COG3: variants seen among roughly 807,000 people sequenced by gnomAD.
COG3 encodes conserved oligomeric Golgi complex subunit 3.
COG3 carries 32 observed loss-of-function variants against 114.1 expected under a neutral mutation model. The observed-to-expected ratio is 0.28, with a 90% confidence interval of 0.21 to 0.38. The LOEUF is 0.38. Among genes scored for constraint, COG3 ranks in the 10% least tolerant of loss-of-function variants. The pLI is 1.00. For synonymous variants in COG3, 352 were observed against 365.7 expected, an observed-to-expected ratio of 0.96 and a Z score of 0.43; for missense variants, 813 against 973.2, an observed-to-expected ratio of 0.84 and a Z score of 2.19.
chr13:45,466,724 A>G (rs1233865106), intron 1 of COG3: 1 of 152,240 alleles, frequency 6.6e-6, no homozygotes, highest in South Asian at 2.1e-4. Context: ...TACATATTCT[A>G]CAAAAAAATT....
chr13:45,513,119 G>T, intron 16 of COG3, among the ~76,000 whole-genome samples: 1 of 149,652 alleles, frequency 6.7e-6, no homozygotes. Flanking sequence ...CTTCCCACTT[G>T]GAGTGTTCAG....
Position 45,464,940 on chromosome 13 carries a change from C to T in COG3, c.-97C>T. ...ATTCCGTCCCGCCCCGCCGCCGGTG[C>T]AGTGTTGGAAGCTCCGGTTCTCCCG... On this transcript the variant is annotated 5_prime_UTR_variant, in exon 1 of 23. Transcript: ENST00000349995. 3.5e-6 allele frequency: 5 copies of T among 1,448,890 alleles called. No individual in the cohort carries two copies. The highest frequency in any genetic ancestry group is 4.5e-6 in the Non-Finnish European group (5 of 1,108,832). 89.8% of individuals were successfully genotyped at this position (1,448,890 alleles called of 1,614,324 possible).
rs1273125156 is a variant in COG3, at chr13:45,534,714, C to T, written c.2470C>T (p.Leu824=). Residue 824 remains leucine, a synonymous_variant, in exon 23 of 23, where the codon CTG becomes TTG. Coordinates refer to ENST00000349995, the MANE Select transcript of COG3 (RefSeq NM_031431.4). ...CPSMEQLSLL[L]LVSK ...TTTTGCTTTTCAGCTGAGCCTTCTGCTGTTGGTTTCTAAATAAGCAGGCCA... is the reference window on the plus strand; with the variant it reads ...TTTTGCTTTTCAGCTGAGCCTTCTGTTGTTGGTTTCTAAATAAGCAGGCCA... 1.3e-6 allele frequency: 2 copies of T among 1,566,110 alleles called. No individual in the cohort carries two copies. Among genetic ancestry groups the T allele is most frequent in the South Asian group, 1.2e-5 (1 of 84,568 alleles).
intron 1 of COG3, among the ~76,000 whole-genome samples, chr13:45,474,328 T>G (rs1034983752): frequency 3.3e-5 from 5 of 151,980 alleles, no homozygotes; most frequent in Non-Finnish European, 7.4e-5. Flanking sequence ...CGGCTAATTT[T>G]TTTTTGTGTG....
At chr13:45,481,508 A>G (rs1886246826) in intron 5 of COG3, among the ~76,000 whole-genome samples, 1 of 152,152 alleles carries the variant, frequency 6.6e-6, no homozygotes, top group African/African-American at 2.4e-5. Context: ...TGTTTCTTAA[A>G]TTGTATTCTT....
At chr13:45,474,486 G>A (rs539413071) in intron 1 of COG3, among the ~76,000 whole-genome samples, 134 of 152,164 alleles carry the variant, frequency 8.8e-4, no homozygotes, top group Non-Finnish European at 1.5e-3. Context: ...TTATAGTAAC[G>A]TTATGATACA....
chr13:45,535,773 A>AT lies in COG3; in HGVS notation c.*1043dup, dbSNP rs1873512593. 1.0e-6 allele frequency: 1 copy of AT among 987,470 alleles called. No homozygotes were observed. Among genetic ancestry groups the AT allele is most frequent in the African/African-American group, 1.7e-5 (1 of 57,318 alleles). The allele number at this position is 987,470 out of a possible 1,614,324, so 61.2% of individuals were successfully genotyped here. A position where few individuals can be genotyped will look rare whatever the true frequency, so the allele number is the denominator to read the frequency against. ...ATCCACATCTGAAAACTACCACACCATATCAGGGATCATAAATTATGCATA... is the reference window on the plus strand; with the variant it reads ...ATCCACATCTGAAAACTACCACACCATTATCAGGGATCATAAATTATGCATA... On this transcript the variant is annotated 3_prime_UTR_variant, in exon 23 of 23. Coordinates refer to ENST00000349995, the MANE Select transcript of COG3 (RefSeq NM_031431.4).
intron 16 of COG3, 56 bp downstream of exon 16, chr13:45,511,910 G>A (rs1342319838): frequency 4.4e-6 from 6 of 1,351,124 alleles, no homozygotes; most frequent in East Asian, 4.6e-5. Context: ...GTGGAATATA[G>A]CATTTACTTA....
At chr13:45,511,194 C>G (rs558865326) in intron 15 of COG3, among the ~76,000 whole-genome samples, 1 of 151,370 alleles carries the variant, frequency 6.6e-6, no homozygotes, top group Non-Finnish European at 1.5e-5. Context: ...TGAATTTCAC[C>G]GCCTCCTTCA....
intron 13 of COG3, among the ~76,000 whole-genome samples, chr13:45,497,065 C>T (rs968455531): frequency 1.3e-5 from 2 of 152,168 alleles, no homozygotes. Flanking sequence ...TTAGTGATCC[C>T]TGTGATTTCT....
In COG3 at chr13:45,503,224, CTTCT is replaced by C. The variant is rs1566258910; in HGVS notation, c.1489-19_1489-16del. ...AACACTGCTGAAAACGGTAACATTC[CTTCT>C]GATTTCTTTATACAGCAGATTGCAC... is the stretch of plus-strand genomic sequence containing the variant. On this transcript the variant is annotated splice_polypyrimidine_tract_variant and intron_variant, in intron 13 of 22. Coordinates refer to ENST00000349995, the MANE Select transcript of COG3 (RefSeq NM_031431.4). 4 of 1,218,320 alleles carry C rather than the reference CTTCT, an allele frequency of 3.3e-6. No homozygotes were observed. Among genetic ancestry groups the C allele is most frequent in the Admixed American group, 1.7e-5 (1 of 59,320 alleles). The allele number at this position is 1,218,320 out of a possible 1,614,324, so 75.5% of individuals were successfully genotyped here.
chr13:45,473,701 C>G (rs888741188), intron 1 of COG3, among the ~76,000 whole-genome samples: 22 of 152,298 alleles, frequency 1.4e-4, no homozygotes, highest in Admixed American at 7.8e-4. Context: ...GCTTTACATG[C>G]AGCATTGCTT....
At chr13:45,523,368 C>A (rs1277692957) in intron 19 of COG3, among the ~76,000 whole-genome samples, 1 of 151,844 alleles carries the variant, frequency 6.6e-6, no homozygotes, top group African/African-American at 2.4e-5. Flanking sequence ...TTCCTGCTCT[C>A]AAGGAGGTAT....
At chr13:45,475,979 AG>A (rs1885834187) in intron 1 of COG3, among the ~76,000 whole-genome samples, 1 of 151,414 alleles carries the variant, frequency 6.6e-6, no homozygotes, top group Admixed American at 6.6e-5. Context: ...AAAAAAAAAA[AG>A]CTTACTAATG....
chr13:45,465,040 G>T lies in COG3; in HGVS notation c.4G>T (p.Ala2Ser). 6 of 1,570,890 alleles carry T rather than the reference G, an allele frequency of 3.8e-6. No homozygotes were observed. Among genetic ancestry groups the T allele is most frequent in the Non-Finnish European group, 5.2e-6 (6 of 1,160,242 alleles). Residue 2 changes from alanine to serine, a missense_variant, in exon 1 of 23, where the codon GCG becomes TCG. Coordinates refer to ENST00000349995, the MANE Select transcript of COG3 (RefSeq NM_031431.4). M[A>S]EAALLLLPEA... Reference sequence around the variant, plus strand: ...GAAGGCCGCGAGGGCGGCGGCGATGGCGGAGGCGGCGCTGTTGCTGCTGCC... The same window carrying T: ...GAAGGCCGCGAGGGCGGCGGCGATGTCGGAGGCGGCGCTGTTGCTGCTGCC...
At chr13:45,508,099 A>AAAG (rs56118235) in intron 14 of COG3, among the ~76,000 whole-genome samples, 1 of 130,010 alleles carries the variant, frequency 7.7e-6, no homozygotes, top group South Asian at 2.5e-4. Context: ...AAAAAAAAAA[A>AAAG]GGAAAGAAAG....
At chr13:45,468,035 T>C (rs539150947) in intron 1 of COG3, among the ~76,000 whole-genome samples, 1 of 152,214 alleles carries the variant, frequency 6.6e-6, no homozygotes, top group Admixed American at 6.5e-5. Context: ...GAGAAAATAA[T>C]TTACAATAGA....
intron 13 of COG3, among the ~76,000 whole-genome samples, chr13:45,502,184 T>C (rs1052975903): frequency 6.6e-6 from 1 of 152,172 alleles, no homozygotes; most frequent in Non-Finnish European, 1.5e-5. Context: ...CTAGATCTGT[T>C]TCCCAGCCTG....
At chr13:45,500,557 G>C (rs1054665667) in intron 13 of COG3, among the ~76,000 whole-genome samples, 1 of 152,152 alleles carries the variant, frequency 6.6e-6, no homozygotes, top group African/African-American at 2.4e-5. Context: ...AGTAGACTTT[G>C]TATTGTAAGA....
Sources: gnomAD v4.1 joint callset for allele counts (sites outside exome capture counted in the v4.1 genomes callset) on GRCh38, gnomAD v4.1.1 for gene constraint, MANE v1.5 for transcripts, NCBI Gene and HGNC (gene_info 2026-07-23, HGNC 2026-07-21) for gene names.